ARID5B: variants seen among roughly 807,000 people sequenced by gnomAD.
The protein encoded by ARID5B is AT-rich interaction domain 5B.
ARID5B carries 13 observed loss-of-function variants against 97.2 expected under a neutral mutation model. The observed-to-expected ratio is 0.13, with a 90% CI of 0.09 to 0.21. The LOEUF (loss-of-function observed/expected upper bound fraction) is 0.21. Among genes scored for constraint, ARID5B ranks in the 10% least tolerant of loss-of-function variants. ARID5B has a pLI of 1.00. For synonymous variants in ARID5B, 556 were observed against 570.3 expected, an observed-to-expected ratio of 0.97 and a Z score of 0.36; for missense variants, 1,210 against 1,465.3, an observed-to-expected ratio of 0.83 and a Z score of 2.84.
At position 61,996,885 on chromosome 10, in the gene ARID5B, GAA is replaced by G. The variant is rs199599810; in HGVS notation, c.503-3196_503-3195del. On this transcript the variant is annotated intron_variant, in intron 3 of 9. Transcript: ENST00000279873. Reference sequence around the variant, plus strand: ...AGAATTTTTTAAAAGTCTGACAACTGAAAAAAAAAAATATATATATATATATA... The same window carrying G: ...AGAATTTTTTAAAAGTCTGACAACTGAAAAAAAAATATATATATATATATA... Among the ~76,000 whole-genome samples, 239 of 143,958 alleles carry G rather than the reference GAA, an allele frequency of 1.7e-3. 1 individual carries two copies. The highest frequency in any genetic ancestry group is 1.8e-3 in the East Asian group (9 of 5,026). 94.4% of individuals were successfully genotyped at this position (143,958 alleles called of 152,430 possible).
At chr10:62,042,626 T>C (rs1342062467) in intron 4 of ARID5B, among the ~76,000 whole-genome samples, 2 of 152,128 alleles carry the variant, frequency 1.3e-5, no homozygotes, top group African/African-American at 4.8e-5. Flanking sequence ...ATATGTGGAA[T>C]TCTGGCTGTG....
At chr10:61,984,194 T>G (rs1335004424) in intron 3 of ARID5B, among the ~76,000 whole-genome samples, 1 of 152,186 alleles carries the variant, frequency 6.6e-6, no homozygotes, top group Non-Finnish European at 1.5e-5. Flanking sequence ...TGGGCTCCAC[T>G]GTTTCTTTGG....
chr10:62,010,149 T>A (rs544628653), intron 4 of ARID5B, among the ~76,000 whole-genome samples: 3 of 152,190 alleles, frequency 2.0e-5, no homozygotes, highest in African/African-American at 7.2e-5. Flanking sequence ...TCTTATTAAA[T>A]TGGATCCTTC....
chr10:62,042,987 G>C (rs1161456422), intron 4 of ARID5B, among the ~76,000 whole-genome samples: 3 of 151,536 alleles, frequency 2.0e-5, no homozygotes, highest in African/African-American at 7.3e-5. Context: ...CTGATCCTCA[G>C]GAAAACCTAG....
At chr10:62,087,326 AG>A (rs1471251835) in intron 9 of ARID5B, among the ~76,000 whole-genome samples, 33 of 138,134 alleles carry the variant, frequency 2.4e-4, no homozygotes, top group African/African-American at 8.8e-4. Context: ...AAAGGAAAAA[AG>A]ATCTTAAGTG....
chr10:62,023,266 T>C (rs1410697384), intron 4 of ARID5B, among the ~76,000 whole-genome samples: 1 of 152,246 alleles, frequency 6.6e-6, no homozygotes, highest in African/African-American at 2.4e-5. Context: ...AGACTTCTTG[T>C]GCATTTGCTC....
chr10:62,005,147 A>G (rs996841423), intron 4 of ARID5B, among the ~76,000 whole-genome samples: 1 of 152,214 alleles, frequency 6.6e-6, no homozygotes, highest in African/African-American at 2.4e-5. Flanking sequence ...GGGGTTGGCT[A>G]TGTCAATATG....
intron 4 of ARID5B, among the ~76,000 whole-genome samples, chr10:62,031,991 T>C (rs1839502835): frequency 6.6e-6 from 1 of 152,116 alleles, no homozygotes; most frequent in Non-Finnish European, 1.5e-5. Flanking sequence ...ATTTTACAGA[T>C]GAGGGAACTG....
intron 3 of ARID5B, among the ~76,000 whole-genome samples, chr10:61,983,364 G>A (rs936167944): frequency 5.3e-5 from 8 of 152,258 alleles, no homozygotes; most frequent in South Asian, 4.1e-4. Flanking sequence ...TTCTTAAATC[G>A]GAGGAGACAA....
intron 5 of ARID5B, among the ~76,000 whole-genome samples, chr10:62,055,774 G>A (rs1250868968): frequency 1.3e-5 from 2 of 152,172 alleles, no homozygotes; most frequent in Non-Finnish European, 2.9e-5. Flanking sequence ...TAAACTGTAT[G>A]TGTTCACTTG....
intron 2 of ARID5B, among the ~76,000 whole-genome samples, chr10:61,910,816 C>T (rs929102159): frequency 2.0e-5 from 3 of 152,170 alleles, no homozygotes; most frequent in African/African-American, 7.2e-5. Flanking sequence ...ACATTTATCA[C>T]GCAGACTAGG....
At chr10:62,037,707 T>C (rs1169930509) in intron 4 of ARID5B, among the ~76,000 whole-genome samples, 1 of 152,226 alleles carries the variant, frequency 6.6e-6, no homozygotes, top group Non-Finnish European at 1.5e-5. Flanking sequence ...GAATTCATTT[T>C]GGAATATAAA....
At chr10:61,917,777 G>A (rs1268097256) in intron 2 of ARID5B, among the ~76,000 whole-genome samples, 1 of 152,210 alleles carries the variant, frequency 6.6e-6, no homozygotes, top group Non-Finnish European at 1.5e-5. Context: ...AGAGCCACGT[G>A]GATAAAGCCA....
At chr10:61,926,455 T>C (rs1844107125) in intron 2 of ARID5B, among the ~76,000 whole-genome samples, 3 of 152,138 alleles carry the variant, frequency 2.0e-5, no homozygotes, top group South Asian at 4.1e-4. Flanking sequence ...AGAAAGTCCT[T>C]ATAGGGATTA....
chr10:61,959,849 A>T (rs1838445152), intron 3 of ARID5B, among the ~76,000 whole-genome samples: 1 of 152,220 alleles, frequency 6.6e-6, no homozygotes, highest in Non-Finnish European at 1.5e-5. Context: ...TTGGGAGGGC[A>T]GCATGGATGA....
At chr10:62,032,052 C>T (rs968021713) in intron 4 of ARID5B, among the ~76,000 whole-genome samples, 4 of 152,034 alleles carry the variant, frequency 2.6e-5, no homozygotes, top group East Asian at 1.9e-4. Flanking sequence ...TGTAGCCGGG[C>T]GCAGTGGTGT....
chr10:61,982,840 T>C (rs1422250460), intron 3 of ARID5B, among the ~76,000 whole-genome samples: 1 of 152,224 alleles, frequency 6.6e-6, no homozygotes, highest in Non-Finnish European at 1.5e-5. Context: ...TATTTCCAGA[T>C]TTCAAAACAC....
intron 3 of ARID5B, among the ~76,000 whole-genome samples, chr10:61,978,017 A>G (rs185370989): frequency 0.018 from 2,751 of 152,278 alleles, 23 homozygotes; most frequent in Non-Finnish European, 0.023. Context: ...TCTTTAATCC[A>G]TCTTGAATTA....
At chr10:62,085,938 CAT>C in intron 9 of ARID5B, 38 bp downstream of exon 9, 1 of 1,588,584 alleles carries the variant, frequency 6.3e-7, no homozygotes, top group Middle Eastern at 1.7e-4. Context: ...CTCTGGAAGA[CAT>C]GTGCTGCCTC....
Sources: gnomAD v4.1 joint callset for allele counts (sites outside exome capture counted in the v4.1 genomes callset) on GRCh38, gnomAD v4.1.1 for gene constraint, MANE v1.5 for transcripts, NCBI Gene and HGNC (gene_info 2026-07-23, HGNC 2026-07-21) for gene names.